CLMN: variants seen among roughly 807,000 people sequenced by gnomAD.
The protein encoded by CLMN is calmin.
Under a neutral mutation model 92.7 loss-of-function variants are expected in CLMN, and 57 were observed. The ratio of observed to expected loss-of-function variants is 0.61; its 90% CI spans 0.50 to 0.77. The LOEUF is 0.77. CLMN is among the 30% of genes least tolerant of loss of function. The probability of loss-of-function intolerance (pLI) is 0.00; values close to 1 mark genes in which losing one functional copy is unlikely to be tolerated. For synonymous variants in CLMN, 466 were observed against 470.6 expected (o/e 0.99, Z 0.13); for missense variants, 1,158 against 1,237.5 (o/e 0.94, Z 0.96).
intron 5 of CLMN, among the ~76,000 whole-genome samples, chr14:95,214,218 C>T (rs1024403194): frequency 6.6e-6 from 1 of 152,088 alleles, no homozygotes; most frequent in African/African-American, 2.4e-5. Context: ...AAATGAAGCC[C>T]TACGGTGGTG....
At chr14:95,243,211 T>C (rs1306218309) in intron 1 of CLMN, among the ~76,000 whole-genome samples, 1 of 152,236 alleles carries the variant, frequency 6.6e-6, no homozygotes, top group Non-Finnish European at 1.5e-5. Flanking sequence ...TTACCGCTCA[T>C]GGCCCAACTT....
rs1256930769 is a variant in CLMN, at chr14:95,189,915, C to A, written c.*1649G>T. 1 of 152,166 alleles carries A rather than the reference C, an allele frequency of 6.6e-6. No individual in the cohort carries two copies. The highest frequency in any genetic ancestry group is 2.4e-5 in the African/African-American group (1 of 41,432). The allele number at this position is 152,166 out of a possible 1,614,324, so 9.4% of individuals were successfully genotyped here. A position where few individuals can be genotyped will look rare whatever the true frequency, so the allele number is the denominator to read the frequency against. On this transcript the variant is annotated 3_prime_UTR_variant, in exon 13 of 13. Transcript: ENST00000298912. ...GGCCAGATTTTGGCTGTCATCGACT[C>A]AGATGTGCTATGTAAATTCTTCTGG...
rs1336351628 is a variant in CLMN, at chr14:95,188,739, A to G, written c.*2825T>C. 1 of 152,176 alleles carries G rather than the reference A, an allele frequency of 6.6e-6. No individual in the cohort carries two copies. Among genetic ancestry groups the G allele is most frequent in the African/African-American group, 2.4e-5 (1 of 41,446 alleles). The allele number at this position is 152,176 out of a possible 1,614,324, so 9.4% of individuals were successfully genotyped here. A position where few individuals can be genotyped will look rare whatever the true frequency, so the allele number is the denominator to read the frequency against. On this transcript the variant is annotated 3_prime_UTR_variant, in exon 13 of 13. Transcript: ENST00000298912. ...TCTTAAATGTTTCCAGGAAGGGTGG[A>G]TAAAAAAACCTAAGTCACATATAAA...
chr14:95,191,371 G>T lies in CLMN; in HGVS notation c.*193C>A, dbSNP rs376698030. ...TTTGAGTACACAGCCAAAGAAAAAAGCATGCTCAGGTTGTCCAGAAAAAAA... is the reference window on the plus strand; with the variant it reads ...TTTGAGTACACAGCCAAAGAAAAAATCATGCTCAGGTTGTCCAGAAAAAAA... On this transcript the variant is annotated 3_prime_UTR_variant, in exon 13 of 13. Transcript: ENST00000298912. The surrounding 1 kb of genome is among the most constrained non-coding windows in gnomAD (Gnocchi z 5.3). The T allele has an allele frequency of 8.7e-4, 374 of 430,728 alleles. 3 individuals carry two copies. The highest frequency in any genetic ancestry group is 7.7e-3 in the African/African-American group (351 of 45,814). The allele number at this position is 430,728 out of a possible 1,614,324, so 26.7% of individuals were successfully genotyped here.
rs998416417 is a variant in CLMN, at chr14:95,221,757, G to A, written c.258C>T (p.Ser86=). Residue 86 remains serine, a synonymous_variant, in exon 4 of 13, where the codon TCC becomes TCT. Transcript: ENST00000298912. ...SGRNLLHEYK[S]SSHRIFRLNN... ...TCAACCGAAAAATACGATGCGACGA[G>A]GATTTGTATTCGTGCAGCTATAAAA... 1.2e-6 allele frequency: 2 copies of A among 1,614,022 alleles called. No homozygotes were observed. The highest frequency in any genetic ancestry group is 1.3e-5 in the African/African-American group (1 of 74,928).
intron 12 of CLMN, chr14:95,193,356 A>G: frequency 6.5e-7 from 1 of 1,535,082 alleles, no homozygotes; most frequent in Non-Finnish European, 8.7e-7. Flanking sequence ...TTCCCTCTTC[A>G]TGTCTGCTCT....
At chr14:95,230,225 G>T in intron 1 of CLMN, 92 bp from the exon 2 acceptor site, 1 of 1,196,252 alleles carries the variant, frequency 8.4e-7, no homozygotes. Context: ...TAGGTGGAGG[G>T]CAGACAGAAC....
chr14:95,258,070 G>C (rs1158438235), intron 1 of CLMN, among the ~76,000 whole-genome samples: 1 of 152,000 alleles, frequency 6.6e-6, no homozygotes, highest in East Asian at 1.9e-4. Flanking sequence ...TGCGTGAGGT[G>C]TGTGTGCTTG....
chr14:95,272,315 G>A (rs1003026888), intron 1 of CLMN, among the ~76,000 whole-genome samples: 4 of 145,374 alleles, frequency 2.8e-5, no homozygotes, highest in Non-Finnish European at 6.3e-5. Context: ...CCAGGAAGAG[G>A]AGGAGGAGGG....
Position 95,275,278 on chromosome 14 carries a change from C to T in CLMN, c.82+44433G>A, listed in dbSNP as rs28583607. 3.7e-4 allele frequency among the ~76,000 whole-genome samples: 57 copies of T among 152,044 alleles called. No homozygotes were observed. The East Asian group carries it at 3.9e-3, about 10-fold the overall frequency. On this transcript the variant is annotated intron_variant, in intron 1 of 12. Coordinates refer to ENST00000298912, the MANE Select transcript of CLMN (RefSeq NM_024734.4). ...TTAGCCACCGGATAAGACAGGAGGC[C>T]GGTGCAAGACACCTGTCACAAAGAC...
intron 8 of CLMN, among the ~76,000 whole-genome samples, chr14:95,205,162 C>T (rs543362376): frequency 8.5e-5 from 13 of 152,240 alleles, no homozygotes; most frequent in South Asian, 4.1e-4. Flanking sequence ...CTCCTATTGA[C>T]GCTGATATGA....
intron 1 of CLMN, among the ~76,000 whole-genome samples, chr14:95,245,225 T>TATATATATATAA (rs1491192837): frequency 1.6e-4 from 4 of 24,344 alleles, no homozygotes; most frequent in Non-Finnish European, 1.8e-4. Flanking sequence ...TATATATATA[T>TATATATATATAA]TATATATATA....
chr14:95,250,477 A>G (rs1439616626), intron 1 of CLMN, among the ~76,000 whole-genome samples: 1 of 152,224 alleles, frequency 6.6e-6, no homozygotes, highest in Non-Finnish European at 1.5e-5. Context: ...CCATTCTCTC[A>G]TGAAGCCAGA....
chr14:95,220,879 C>T (rs981010978), intron 4 of CLMN, among the ~76,000 whole-genome samples: 2 of 152,192 alleles, frequency 1.3e-5, no homozygotes, highest in African/African-American at 4.8e-5. Flanking sequence ...CATGTCCTGC[C>T]GTCTCTTCAG....
Position 95,201,174 on chromosome 14 carries a change from T to A in CLMN, c.2511+1664A>T, listed in dbSNP as rs189028596. Among the ~76,000 whole-genome samples, 49 of 150,842 alleles carry A rather than the reference T, an allele frequency of 3.2e-4. 1 individual carries two copies. The highest frequency in any genetic ancestry group is 1.3e-3 in the Admixed American group (19 of 15,160). ...AAAGTATAATAAAAAAATTTAAAAATATATATATATATATTTTTTGTTTTT... is the reference window on the plus strand; with the variant it reads ...AAAGTATAATAAAAAAATTTAAAAAAATATATATATATATTTTTTGTTTTT... On this transcript the variant is annotated intron_variant, in intron 9 of 12. Transcript: ENST00000298912.
chr14:95,203,576 A>T lies in CLMN; in HGVS notation c.1773T>A (p.Pro591=). ...TCTCAAAAGCCTCAGCATCCTCGTC[A>T]GGTTTTGTCTCATGAGGTGAAGGAA... ...NKVPSPHETK[P]DEDAEAFENH... Residue 591 remains proline, a synonymous_variant, in exon 9 of 13, where the codon CCT becomes CCA. Transcript: ENST00000298912. 1 of 1,614,156 alleles carries T rather than the reference A, an allele frequency of 6.2e-7. No homozygotes were observed. Among genetic ancestry groups the T allele is most frequent in the Non-Finnish European group, 8.5e-7 (1 of 1,180,032 alleles).
chr14:95,215,869 G>A (rs990228130), intron 4 of CLMN, 136 bp from the exon 5 acceptor site: 1 of 673,362 alleles, frequency 1.5e-6, no homozygotes, highest in East Asian at 2.7e-5. Flanking sequence ...GTTTGCATGA[G>A]CCTGTTTTTC....
At position 95,182,195 on chromosome 14, in the gene CLMN, CTAAA is replaced by C. The variant is rs1158755418; in HGVS notation, c.*9365_*9368del. ...TTACAAAGCTACAGCTATGTATATC[CTAAA>C]TAGACAAAAATAATCCTTGTACTAC... On this transcript the variant is annotated 3_prime_UTR_variant, in exon 13 of 13. Coordinates refer to ENST00000298912, the MANE Select transcript of CLMN (RefSeq NM_024734.4). 5 of 152,068 alleles carry C rather than the reference CTAAA, an allele frequency of 3.3e-5. No homozygotes were observed. The highest frequency in any genetic ancestry group is 1.2e-4 in the African/African-American group (5 of 41,400). 9.4% of individuals were successfully genotyped at this position (152,068 alleles called of 1,614,324 possible).
intron 12 of CLMN, chr14:95,192,567 G>A (rs747427064): frequency 2.0e-5 from 3 of 152,250 alleles, no homozygotes. Context: ...TAGCAGGAGC[G>A]AGGGGCAGGG....
Sources: allele counts gnomAD v4.1 joint callset (sites outside exome capture counted in the v4.1 genomes callset), GRCh38; gene constraint gnomAD v4.1.1; non-coding constraint Gnocchi (gnomAD v3.1); transcripts MANE v1.5; gene names NCBI Gene and HGNC (gene_info 2026-07-23, HGNC 2026-07-21).